The following DPH6 variants were observed in gnomAD, a reference collection of about 807,000 sequenced individuals.
DPH6 encodes diphthine--ammonia ligase.
A neutral mutation model predicts 38.2 loss-of-function variants in DPH6; 33 were observed. That is an observed-to-expected ratio of 0.86 (90% CI 0.65 to 1.15). DPH6 has a LOEUF of 1.15. Ranked by LOEUF, DPH6 falls within the 50% of genes most tolerant of loss-of-function variation. The pLI, the probability that DPH6 is intolerant of heterozygous loss-of-function variation, is 0.00. For synonymous variants in DPH6, 108 were observed against 103.0 expected (o/e 1.05, Z -0.30); for missense variants, 325 against 320.0 (o/e 1.02, Z -0.12).
intron 6 of DPH6, among the ~76,000 whole-genome samples, chr15:35,391,041 T>C (rs535850615): frequency 1.3e-5 from 2 of 152,342 alleles, no homozygotes; most frequent in East Asian, 1.9e-4. Flanking sequence ...CCTGTCTTTT[T>C]GTTAGTTTTC....
intron 3 of DPH6, among the ~76,000 whole-genome samples, chr15:35,263,028 AAAGT>A (rs2051759476): frequency 6.6e-6 from 1 of 152,240 alleles, no homozygotes; most frequent in South Asian, 2.1e-4. Flanking sequence ...TTACATGCTG[AAAGT>A]AAGATCTCTA....
chr15:35,428,471 T>C (rs558416488), intron 5 of DPH6, among the ~76,000 whole-genome samples: 1 of 152,022 alleles, frequency 6.6e-6, no homozygotes, highest in Admixed American at 6.6e-5. Flanking sequence ...CACACTCCAA[T>C]TAACTCTTCT....
chr15:35,515,373 C>G (rs1287439373), intron 3 of DPH6, among the ~76,000 whole-genome samples: 1 of 151,800 alleles, frequency 6.6e-6, no homozygotes, highest in East Asian at 1.9e-4. Flanking sequence ...TGGGAGGACT[C>G]CTTGAGGCCA....
rs2051585039 is a variant in DPH6 at position 35,239,836 on chromosome 15, T to G, written n.201-19254A>C. 1.4e-5 allele frequency among the ~76,000 whole-genome samples: 2 copies of G among 141,704 alleles called. 1 individual carries two copies. Among genetic ancestry groups the G allele is most frequent in the South Asian group, 5.0e-4 (2 of 3,988 alleles). The allele number at this position is 141,704 out of a possible 152,430, so 93.0% of individuals were successfully genotyped here. On this transcript the variant is annotated intron_variant and non_coding_transcript_variant, in intron 3 of 3. Transcript: ENST00000560386. ...TATTTCCACACCCCAACCTCTTATC[T>G]CTGTGCCCCAATCCCTTATTTCTGC... is the stretch of plus-strand genomic sequence containing the variant.
intron 3 of DPH6, among the ~76,000 whole-genome samples, chr15:35,259,602 T>C (rs1423999522): frequency 6.6e-6 from 1 of 152,196 alleles, no homozygotes; most frequent in African/African-American, 2.4e-5. Context: ...TTAACTGAGA[T>C]ATAGAAATAT....
intron 3 of DPH6, among the ~76,000 whole-genome samples, chr15:35,358,395 C>G (rs2052586274): frequency 6.6e-6 from 1 of 152,004 alleles, no homozygotes; most frequent in Non-Finnish European, 1.5e-5. Context: ...TCAGGGATTT[C>G]TTCTTCATTT....
the DPH6 span, among the ~76,000 whole-genome samples, chr15:35,199,351 A>G: frequency 6.6e-6 from 1 of 152,240 alleles, no homozygotes; most frequent in Non-Finnish European, 1.5e-5. Context: ...TCATGAAGAA[A>G]GCAATGAATC....
intron 3 of DPH6, among the ~76,000 whole-genome samples, chr15:35,462,784 T>C (rs1301177760): frequency 6.6e-6 from 1 of 152,216 alleles, no homozygotes; most frequent in African/African-American, 2.4e-5. Context: ...ATGATGGTAC[T>C]TGGTCCCGTT....
At chr15:35,450,223 C>T (rs1242569448) in intron 5 of DPH6, among the ~76,000 whole-genome samples, 2 of 151,848 alleles carry the variant, frequency 1.3e-5, no homozygotes, top group African/African-American at 4.8e-5. Flanking sequence ...TTTTTTATAA[C>T]AAAAACAAAA....
At chr15:35,230,376 T>A (rs538051061) in intron 3 of DPH6, among the ~76,000 whole-genome samples, 15 of 152,130 alleles carry the variant, frequency 9.9e-5, no homozygotes, top group Middle Eastern at 3.4e-3. Flanking sequence ...TTCAGTTAGC[T>A]TGTGGTGAAT....
chr15:35,448,509 A>T (rs935557049), intron 5 of DPH6, among the ~76,000 whole-genome samples: 1 of 152,172 alleles, frequency 6.6e-6, no homozygotes, highest in African/African-American at 2.4e-5. Flanking sequence ...GACATATATC[A>T]TTTCACATTC....
intron 3 of DPH6, among the ~76,000 whole-genome samples, chr15:35,359,279 G>A (rs1032111717): frequency 6.6e-6 from 1 of 152,076 alleles, no homozygotes; most frequent in East Asian, 1.9e-4. Context: ...AGCAATACAG[G>A]CTTGAAAATC....
intron 3 of DPH6, among the ~76,000 whole-genome samples, chr15:35,481,211 C>A (rs1054834403): frequency 6.6e-6 from 1 of 151,862 alleles, no homozygotes; most frequent in Admixed American, 6.6e-5. Flanking sequence ...TGTGGTATAC[C>A]GCATTCTACA....
At chr15:35,330,683 T>C (rs2052320455), downstream of DPH6, 4 of 152,220 alleles carry the variant, frequency 2.6e-5, no homozygotes, top group African/African-American at 9.6e-5. Context: ...GTTATTTGCA[T>C]AAAGCTTTAG....
At chr15:35,338,666 G>C (rs1301097799) in intron 3 of DPH6, among the ~76,000 whole-genome samples, 1 of 152,082 alleles carries the variant, frequency 6.6e-6, no homozygotes, top group African/African-American at 2.4e-5. Flanking sequence ...ATTTGACCCA[G>C]CCATCCCATT....
intron 7 of DPH6, among the ~76,000 whole-genome samples, chr15:35,376,440 T>A (rs1225737390): frequency 6.6e-6 from 1 of 152,110 alleles, no homozygotes; most frequent in Non-Finnish European, 1.5e-5. Flanking sequence ...CATAAGATCA[T>A]AATGGAGCTG....
chr15:35,382,050 T>G, intron 6 of DPH6, 134 bp from the exon 7 acceptor site: 1 of 661,828 alleles, frequency 1.5e-6, no homozygotes, highest in Non-Finnish European at 2.6e-6. Flanking sequence ...GGAAAATTAA[T>G]TATATTTCTG....
At chr15:35,468,318 A>T (rs2054153297) in intron 3 of DPH6, among the ~76,000 whole-genome samples, 1 of 152,218 alleles carries the variant, frequency 6.6e-6, no homozygotes, top group Admixed American at 6.5e-5. Context: ...AATAAATGAG[A>T]TGTAGAATTA....
rs796192739 is a variant in DPH6 at position 35,305,329 on chromosome 15, A to G, written n.200+68192T>C. 2.8e-4 allele frequency among the ~76,000 whole-genome samples: 43 copies of G among 152,022 alleles called. 2 individuals are homozygous for G. The highest frequency in any genetic ancestry group is 8.2e-4 in the African/African-American group (34 of 41,502). ...CAACATCATTAAATAGAAAACAATG[A>G]CTAAGGTCTTAAAGAATGTTGAGCT... is the stretch of plus-strand genomic sequence containing the variant. On this transcript the variant is annotated intron_variant and non_coding_transcript_variant, in intron 3 of 3. Coordinates refer to the DPH6 transcript ENST00000560386.
Sources: allele counts gnomAD v4.1 joint callset (sites outside exome capture counted in the v4.1 genomes callset), GRCh38; gene constraint gnomAD v4.1.1; transcripts MANE v1.5; gene names NCBI Gene and HGNC (gene_info 2026-07-23, HGNC 2026-07-21).